The following DNAAF1 variants were observed in gnomAD, a reference collection of about 807,000 sequenced individuals.
DNAAF1 encodes dynein assembly factor 1, axonemal.
Under a neutral mutation model 71.1 loss-of-function variants are expected in DNAAF1, and 65 were observed. That is an observed-to-expected ratio of 0.91 (90% confidence interval 0.75 to 1.12). DNAAF1 has a LOEUF of 1.12. DNAAF1 is among the 50% of genes most tolerant of loss of function. DNAAF1 has a pLI of 0.00. For missense variants in DNAAF1, 1,178 were observed against 899.8 expected, an observed-to-expected ratio of 1.31 and a Z score of -3.96; for synonymous variants, 414 against 354.6, an observed-to-expected ratio of 1.17 and a Z score of -1.88.
At chr16:84,163,490 C>T (rs1471426889) in intron 6 of DNAAF1, among the ~76,000 whole-genome samples, 1 of 151,934 alleles carries the variant, frequency 6.6e-6, no homozygotes, top group African/African-American at 2.4e-5. Context: ...AAGCAATTCT[C>T]CTGCCTCAGC....
rs1369187361 is a variant in DNAAF1, at chr16:84,145,579, C to T, written c.124+15C>T. The T allele has an allele frequency of 1.9e-6, 3 of 1,543,954 alleles. No homozygotes were observed. The highest frequency in any genetic ancestry group is 2.4e-5 in the South Asian group (2 of 83,900). On this transcript the variant is annotated intron_variant, in intron 1 of 11. Transcript: ENST00000378553. The stretch of plus-strand genomic sequence containing the variant: ...CTGCAAGGAAGGTGCCGACTGCCCC[C>T]CAGGGAGGGCGGTGGGCGAGGGGCA...
chr16:84,174,204 C>G (rs1402251671), intron 9 of DNAAF1: 1 of 1,027,260 alleles, frequency 9.7e-7, no homozygotes, highest in Admixed American at 5.1e-5. Flanking sequence ...TCCCCAACCA[C>G]GCACTGGTTG....
chr16:84,166,036 AATT>A (rs2087963818), intron 7 of DNAAF1, 87 bp downstream of exon 7: 1 of 1,077,178 alleles, frequency 9.3e-7, no homozygotes, highest in Non-Finnish European at 1.3e-6. Context: ...TAATCTTGGG[AATT>A]TTTTTTTTTT....
intron 5 of DNAAF1, 52 bp downstream of exon 5, chr16:84,155,801 A>G (rs754706983): frequency 6.9e-6 from 11 of 1,600,306 alleles, no homozygotes; most frequent in Non-Finnish European, 9.4e-6. Context: ...AACCGCTTCT[A>G]TTATTTTCAT....
At position 84,170,019 on chromosome 16, in the gene DNAAF1, G is replaced by C. The variant is rs757727188; in HGVS notation, c.1191G>C (p.Glu397Asp). ...DELCPEKPSGEEPPVEAKRED... is the reference protein window; with the variant it reads ...DELCPEKPSGDEPPVEAKRED... ...TCTGCCCGGAAAAGCCAAGTGGAGAGGAGCCGCCTGTGGAGGCTAAAAGAG... is the reference window on the plus strand; with the variant it reads ...TCTGCCCGGAAAAGCCAAGTGGAGACGAGCCGCCTGTGGAGGCTAAAAGAG... The change falls in exon 8 of 12, where the codon GAG becomes GAC. Residue 397 changes from glutamate (E) to aspartate (D), a missense_variant. Transcript: ENST00000378553. The C allele has an allele frequency of 1.2e-5, 19 of 1,613,892 alleles. No homozygotes were observed. Among genetic ancestry groups the C allele is most frequent in the Admixed American group, 5.0e-5 (3 of 60,034 alleles).
At chr16:84,160,188 C>G (rs1044992402) in intron 6 of DNAAF1, among the ~76,000 whole-genome samples, 1 of 152,136 alleles carries the variant, frequency 6.6e-6, no homozygotes, top group Non-Finnish European at 1.5e-5. Context: ...GAAATCTTTG[C>G]CAAGTTTGTT....
chr16:84,167,977 A>G (rs2088113715), intron 7 of DNAAF1, among the ~76,000 whole-genome samples: 1 of 151,912 alleles, frequency 6.6e-6, no homozygotes. Flanking sequence ...AGATCGCACC[A>G]TCGCACTCCA....
At chr16:84,172,486 C>T (rs374375639) in intron 9 of DNAAF1, 111 bp downstream of exon 9, 114 of 1,528,956 alleles carry the variant, frequency 7.5e-5, no homozygotes, top group Non-Finnish European at 9.1e-5. Context: ...GTCCTTGGGC[C>T]GGCAGGCCTG....
At chr16:84,145,727 G>C (rs1036610948) in intron 1 of DNAAF1, among the ~76,000 whole-genome samples, 163 bp downstream of exon 1, 4 of 152,164 alleles carry the variant, frequency 2.6e-5, no homozygotes, top group African/African-American at 7.2e-5. Flanking sequence ...TCGCCATTTC[G>C]TACTGAGGAG....
Position 84,145,504 on chromosome 16 carries a change from C to T in DNAAF1, c.64C>T (p.Pro22Ser). The T allele has an allele frequency of 6.4e-7, 1 of 1,564,048 alleles. No individual in the cohort carries two copies. Among genetic ancestry groups the T allele is most frequent in the Non-Finnish European group, 8.7e-7 (1 of 1,154,044 alleles). ...AGCAGAGCTGGATTGCGCGCAGGAG[C>T]CCGGCGTGGAGGAGTCTGCGGGTGA... ...GAAELDCAQE[P>S]GVEESAGDHG... Residue 22 changes from proline to serine, a missense_variant, in exon 1 of 12, where the codon CCC becomes TCC. Transcript: ENST00000378553.
intron 5 of DNAAF1, chr16:84,159,159 G>T: frequency 1.0e-6 from 1 of 996,678 alleles, no homozygotes; most frequent in Non-Finnish European, 1.2e-6. Flanking sequence ...TGACAGCGGG[G>T]AGAGCTGTAA....
intron 3 of DNAAF1, among the ~76,000 whole-genome samples, chr16:84,153,910 C>A (rs1343688392): frequency 1.3e-5 from 2 of 152,132 alleles, no homozygotes; most frequent in Non-Finnish European, 2.9e-5. Flanking sequence ...GCTCCACCCT[C>A]CCAGGTGGGT....
chr16:84,172,728 T>A, intron 9 of DNAAF1: 1 of 1,174,898 alleles, frequency 8.5e-7, no homozygotes, highest in Non-Finnish European at 1.1e-6. Context: ...TTATCCAAAT[T>A]CGTGGTGAGA....
At chr16:84,170,410 G>T in intron 8 of DNAAF1, 54 bp downstream of exon 8, 1 of 1,611,436 alleles carries the variant, frequency 6.2e-7, no homozygotes, top group Non-Finnish European at 8.5e-7. Context: ...GGGAGCCCCA[G>T]CCTTCGACTC....
At chr16:84,161,636 G>A (rs2087720987) in intron 6 of DNAAF1, among the ~76,000 whole-genome samples, 1 of 151,896 alleles carries the variant, frequency 6.6e-6, no homozygotes, top group Non-Finnish European at 1.5e-5. Flanking sequence ...AAAGCTCTGA[G>A]GCTCCGAAAG....
intron 9 of DNAAF1, chr16:84,173,019 C>A: frequency 1.0e-6 from 1 of 991,138 alleles, no homozygotes; most frequent in Non-Finnish European, 1.2e-6. Context: ...CAAGAACTGT[C>A]CTTTGATGGG....
At position 84,175,986 on chromosome 16, in the gene DNAAF1, C is replaced by T. The variant is rs780258845; in HGVS notation, c.1752C>T (p.Asp584=). The T allele has an allele frequency of 1.2e-6, 2 of 1,614,132 alleles. No individual in the cohort carries two copies. Among genetic ancestry groups the T allele is most frequent in the Non-Finnish European group, 1.7e-6 (2 of 1,179,992 alleles). Residue 584 remains aspartate, a synonymous_variant, in exon 11 of 12, where the codon GAC becomes GAT. Coordinates refer to ENST00000378553, the MANE Select transcript of DNAAF1 (RefSeq NM_178452.6). ...TCTCGAGCTTGAGTGATGACAGTGA[C>T]CCTGAACTGGACTACACGTCACTCC... The part of the protein sequence containing the change: ...EVISSLSDDS[D]PELDYTSLPV...
rs774845085 is a variant in DNAAF1 at position 84,154,804 on chromosome 16, G to A, written c.574+6G>A. On this transcript the variant is annotated splice_donor_region_variant and intron_variant, in intron 4 of 11. Coordinates refer to ENST00000378553, the MANE Select transcript of DNAAF1 (RefSeq NM_178452.6). ...CAAGACCATTGAAAACCTCTGTAAGGGTACCCAGCAAGCAGTGTGTCTGTT... is the reference window on the plus strand; with the variant it reads ...CAAGACCATTGAAAACCTCTGTAAGAGTACCCAGCAAGCAGTGTGTCTGTT... 3 of 1,609,134 alleles carry A rather than the reference G, an allele frequency of 1.9e-6. No individual in the cohort carries two copies. Among genetic ancestry groups the A allele is most frequent in the African/African-American group, 1.3e-5 (1 of 74,884 alleles).
chr16:84,167,069 C>T (rs1204713006), intron 7 of DNAAF1, among the ~76,000 whole-genome samples: 4 of 152,262 alleles, frequency 2.6e-5, no homozygotes, highest in South Asian at 2.1e-4. Flanking sequence ...CTCAGGGTGT[C>T]GCCTGTACTT....
Sources: gnomAD v4.1 joint callset for allele counts (sites outside exome capture counted in the v4.1 genomes callset) on GRCh38, gnomAD v4.1.1 for gene constraint, MANE v1.5 for transcripts, NCBI Gene and HGNC (gene_info 2026-07-23, HGNC 2026-07-21) for gene names.